Variants in ARHGEF19 observed in about 807,000 individuals in gnomAD.
The protein encoded by ARHGEF19 is Rho guanine nucleotide exchange factor (GEF) 19.
Under a neutral mutation model 87.6 loss-of-function variants are expected in ARHGEF19, and 92 were observed. The ratio of observed to expected loss-of-function variants is 1.05; its 90% CI spans 0.89 to 1.25. The LOEUF (loss-of-function observed/expected upper bound fraction) is 1.25, where lower values mean the gene tolerates loss of function less well. ARHGEF19 is among the 50% of genes most tolerant of loss of function. ARHGEF19 has a pLI of 0.00. For synonymous variants in ARHGEF19, 438 were observed against 446.2 expected (o/e 0.98, Z 0.23); for missense variants, 1,054 against 1,051.8 (o/e 1.00, Z -0.03).
intron 14 of ARHGEF19, 83 bp from the exon 15 acceptor site, chr1:16,199,337 G>T: frequency 8.5e-7 from 1 of 1,173,692 alleles, no homozygotes; most frequent in South Asian, 1.2e-5. Context: ...AGGGGCAGTA[G>T]GAGGAAGTAA....
At position 16,198,741 on chromosome 1, in the gene ARHGEF19, C is replaced by T; in HGVS notation, c.2255G>A (p.Trp752Ter). Reference protein sequence around the residue: ...LSVRTWTSDGWLEGVRLADGE... With the variant: ...LSVRTWTSDG ...ATCTGCCAGGCGGACCCCTTCCAGC[C>T]AGCCTAGGGACACATAGGCCAAGAA... is the stretch of plus-strand genomic sequence containing the variant. The change falls in exon 16 of 16, where the codon TGG (tryptophan) becomes TAG (stop). Residue 752 changes from tryptophan (W) to a stop codon, truncating the protein, a stop_gained. Coordinates refer to ENST00000270747, the MANE Select transcript of ARHGEF19 (RefSeq NM_153213.5). LOFTEE classifies it high-confidence loss of function. The surrounding 1 kb of genome is among the most constrained non-coding windows in gnomAD (Gnocchi z 4.1). 1.2e-6 allele frequency: 2 copies of T among 1,603,168 alleles called. No homozygotes were observed. The highest frequency in any genetic ancestry group is 1.7e-6 in the Non-Finnish European group (2 of 1,173,788).
intron 14 of ARHGEF19, 28 bp downstream of exon 14, chr1:16,201,754 G>T: frequency 1.9e-6 from 3 of 1,609,920 alleles, no homozygotes; most frequent in Non-Finnish European, 2.5e-6. Flanking sequence ...CCAGCCCAGG[G>T]ATGTAAGCAG....
chr1:16,200,697 T>C (rs144468725), intron 14 of ARHGEF19, among the ~76,000 whole-genome samples: 98 of 152,168 alleles, frequency 6.4e-4, no homozygotes, highest in African/African-American at 2.3e-3. Context: ...TGAGCCAAGA[T>C]TGTGCCATTG....
chr1:16,209,016 C>T lies in ARHGEF19; in HGVS notation c.39G>A (p.Leu13=), dbSNP rs753757558. The T allele has an allele frequency of 2.0e-6, 3 of 1,504,646 alleles. No homozygotes were observed. The highest frequency in any genetic ancestry group is 2.7e-6 in the Non-Finnish European group (3 of 1,128,126). 93.2% of individuals were successfully genotyped at this position (1,504,646 alleles called of 1,614,324 possible). ...CGPPATLQPH[L]TGPPGTAHHP... The stretch of plus-strand genomic sequence containing the variant: ...GGTGGGCAGTGCCAGGTGGCCCAGT[C>T]AGGTGGGGCTGGAGGGTAGCAGGTG... Residue 13 remains leucine, a synonymous_variant, in exon 2 of 16, where the codon CTG becomes CTA. Coordinates refer to ENST00000270747, the MANE Select transcript of ARHGEF19 (RefSeq NM_153213.5).
chr1:16,208,309 T>C lies in ARHGEF19; in HGVS notation c.413-84A>G, dbSNP rs2081165396. On this transcript the variant is annotated intron_variant, in intron 2 of 15. Coordinates refer to ENST00000270747, the MANE Select transcript of ARHGEF19 (RefSeq NM_153213.5). ...GCTGCTGCCCCTGGCCCTGAGCACCTGGGGAGGTTCAGGCACCATGCCCAA... is the reference window on the plus strand; with the variant it reads ...GCTGCTGCCCCTGGCCCTGAGCACCCGGGGAGGTTCAGGCACCATGCCCAA... 2.0e-6 allele frequency: 3 copies of C among 1,474,130 alleles called. No homozygotes were observed. The East Asian group carries it at 7.3e-5, about 36-fold the overall frequency. 91.3% of individuals were successfully genotyped at this position (1,474,130 alleles called of 1,614,324 possible).
In ARHGEF19 at chr1:16,205,401, C is replaced by T. The variant is rs575397508; in HGVS notation, c.1606G>A (p.Gly536Ser). 2 of 1,612,170 alleles carry T rather than the reference C, an allele frequency of 1.2e-6. No individual in the cohort carries two copies. The highest frequency in any genetic ancestry group is 1.7e-6 in the Non-Finnish European group (2 of 1,179,020). ...GTGGCCATGTCTTCGTCTTCAGAGC[C>T]CTGTGCTGTCCGCTTCAGGATGTTC... Reference protein sequence around the residue: ...VENILKRTAQGSEDEDMATKA... With the variant: ...VENILKRTAQSSEDEDMATKA... Residue 536 changes from glycine (G) to serine (S), a missense_variant, in exon 10 of 16, where the codon GGC becomes AGC. Coordinates refer to ENST00000270747, the MANE Select transcript of ARHGEF19 (RefSeq NM_153213.5). The surrounding 1 kb of genome is among the most constrained non-coding windows in gnomAD (Gnocchi z 5.8).
rs572041237 is a variant in ARHGEF19 at position 16,206,989 on chromosome 1, C to T, written c.1096G>A (p.Val366Ile). ...QDIPDVRGSGVLATLSLRDCK... is the reference protein window; with the variant it reads ...QDIPDVRGSGILATLSLRDCK... ...TCCCGCAGGCTCAGCGTGGCCAGGACGCCGCTGCCGCGTACGTCGGGGATA... is the reference window on the plus strand; with the variant it reads ...TCCCGCAGGCTCAGCGTGGCCAGGATGCCGCTGCCGCGTACGTCGGGGATA... Residue 366 changes from valine (V) to isoleucine (I), a missense_variant, in exon 6 of 16, where the codon GTC (valine) becomes ATC (isoleucine). Coordinates refer to ENST00000270747, the MANE Select transcript of ARHGEF19 (RefSeq NM_153213.5). This position sits in a 1 kb window ranked among gnomAD's most constrained non-coding sequence, Gnocchi z 4.6. 17 of 1,514,536 alleles carry T rather than the reference C, an allele frequency of 1.1e-5. No homozygotes were observed. The South Asian group carries it at 1.5e-4, about 13-fold the overall frequency. The allele number at this position is 1,514,536 out of a possible 1,614,324, so 93.8% of individuals were successfully genotyped here.
intron 12 of ARHGEF19, among the ~76,000 whole-genome samples, chr1:16,204,011 C>A (rs549131392): frequency 3.3e-5 from 5 of 152,164 alleles, no homozygotes; most frequent in Admixed American, 3.3e-4. Context: ...GGAATGAATT[C>A]TTCTTATAGC....
intron 1 of ARHGEF19, among the ~76,000 whole-genome samples, chr1:16,209,574 T>C (rs949500703): frequency 1.3e-5 from 2 of 152,222 alleles, no homozygotes; most frequent in Non-Finnish European, 2.9e-5. Context: ...TACACTTTCA[T>C]AGATACAGAC....
chr1:16,199,399 C>T (rs1397063824), intron 14 of ARHGEF19, 145 bp from the exon 15 acceptor site: 1 of 674,216 alleles, frequency 1.5e-6, no homozygotes, highest in Non-Finnish European at 2.6e-6. Flanking sequence ...ACTGCCATGC[C>T]ACAGGCCCAC....
At chr1:16,211,850 C>T (rs59792697) in intron 1 of ARHGEF19, among the ~76,000 whole-genome samples, 16,671 of 152,204 alleles carry the variant, frequency 0.11, 1,024 homozygotes, top group African/African-American at 0.13. Context: ...TCCCAAGGCA[C>T]GATCACAGGA....
chr1:16,209,209 C>T (rs2081175705), intron 1 of ARHGEF19, 126 bp from the exon 2 acceptor site: 2 of 576,182 alleles, frequency 3.5e-6, no homozygotes, highest in African/African-American at 1.9e-5. Context: ...AACACACTCA[C>T]ATGTCTAATT....
In ARHGEF19 at chr1:16,206,000, G is replaced by A. The variant is rs749228844; in HGVS notation, c.1382C>T (p.Ala461Val). 2.2e-5 allele frequency: 36 copies of A among 1,608,860 alleles called. No homozygotes were observed. The highest frequency in any genetic ancestry group is 3.3e-4 in the Middle Eastern group (2 of 6,034). ...ATAGGGCAGGTAGACTCTGCGGAAG[G>A]CCGGGCAGTGGTCCAGCACCACGTC... ...VCDVVLDHCP[A>V]FRRVYLPYVT... is the part of the protein sequence containing the mutation. The change falls in exon 8 of 16, where the codon GCC (alanine) becomes GTC (valine). Residue 461 changes from alanine (A) to valine (V), a missense_variant. By Grantham distance (64) the Ala-to-Val change is moderately conservative (BLOSUM62 0). Transcript: ENST00000270747. This position sits in a 1 kb window ranked among gnomAD's most constrained non-coding sequence, Gnocchi z 5.8.
intron 1 of ARHGEF19, among the ~76,000 whole-genome samples, 182 bp downstream of exon 1, chr1:16,212,320 T>A (rs1407356116): frequency 6.6e-6 from 1 of 152,078 alleles, no homozygotes; most frequent in African/African-American, 2.4e-5. Flanking sequence ...CTTTAAGGAA[T>A]AAAGCCAGGT....
At position 16,206,942 on chromosome 1, in the gene ARHGEF19, G is replaced by C; in HGVS notation, c.1137+6C>G. 6.9e-7 allele frequency: 1 copy of C among 1,449,182 alleles called. No homozygotes were observed. The allele number at this position is 1,449,182 out of a possible 1,614,324, so 89.8% of individuals were successfully genotyped here. ...CCCGCCCCGCCGGGTCCCCGCGCGCGCCCACCTCCTGCAGCTTGCAGTCCC... is the reference window on the plus strand; with the variant it reads ...CCCGCCCCGCCGGGTCCCCGCGCGCCCCCACCTCCTGCAGCTTGCAGTCCC... On this transcript the variant is annotated splice_donor_region_variant and intron_variant, in intron 6 of 15. Coordinates refer to ENST00000270747, the MANE Select transcript of ARHGEF19 (RefSeq NM_153213.5). This position sits in a 1 kb window ranked among gnomAD's most constrained non-coding sequence, Gnocchi z 4.6.
In ARHGEF19 at chr1:16,207,609, G is replaced by A; in HGVS notation, c.798-11C>T. ...TCCTGTGTGTCTAGCCTAGGAAAGA[G>A]AGAGCGTCACGGCCCTAGTTCGCCT... is the stretch of plus-strand genomic sequence containing the variant. On this transcript the variant is annotated splice_polypyrimidine_tract_variant and intron_variant, in intron 4 of 15. Transcript: ENST00000270747. This position sits in a 1 kb window ranked among gnomAD's most constrained non-coding sequence, Gnocchi z 4.0. 6.2e-7 allele frequency: 1 copy of A among 1,614,026 alleles called. No homozygotes were observed. Among genetic ancestry groups the A allele is most frequent in the Non-Finnish European group, 8.5e-7 (1 of 1,180,018 alleles).
chr1:16,201,792 A>G lies in ARHGEF19; in HGVS notation c.2136T>C (p.Ser712=). 6.2e-7 allele frequency: 1 copy of G among 1,613,492 alleles called. No individual in the cohort carries two copies. Among genetic ancestry groups the G allele is most frequent in the Non-Finnish European group, 8.5e-7 (1 of 1,179,680 alleles). ...SSPQEDKEVI[S]EGEDCPQVQC... ...GGGATGAGCTACTACCTTCCCCCTC[A>G]CTGATGACCTCCTTGTCCTCCTGGG... The change falls in exon 14 of 16, where the codon AGT becomes AGC. Residue 712 remains serine (S), a synonymous_variant. Coordinates refer to ENST00000270747, the MANE Select transcript of ARHGEF19 (RefSeq NM_153213.5).
chr1:16,210,353 C>T (rs2081188008), intron 1 of ARHGEF19, among the ~76,000 whole-genome samples: 1 of 152,188 alleles, frequency 6.6e-6, no homozygotes, highest in South Asian at 2.1e-4. Flanking sequence ...GGCCGGGCAG[C>T]CAGGACCCCC....
Position 16,199,144 on chromosome 1 carries a change from C to T in ARHGEF19, c.2251+6G>A. 1.2e-6 allele frequency: 2 copies of T among 1,613,952 alleles called. No homozygotes were observed. Among genetic ancestry groups the T allele is most frequent in the Admixed American group, 1.7e-5 (1 of 60,000 alleles). On this transcript the variant is annotated splice_donor_region_variant and intron_variant, in intron 15 of 15. Coordinates refer to ENST00000270747, the MANE Select transcript of ARHGEF19 (RefSeq NM_153213.5). ...TCAGGGACACTTTCCCAGGAGGCCC[C>T]CTCACCGTCACTGGTCCAGGTCCTC...
Sources: allele counts gnomAD v4.1 joint callset (sites outside exome capture counted in the v4.1 genomes callset), GRCh38; gene constraint gnomAD v4.1.1; non-coding constraint Gnocchi (gnomAD v3.1); transcripts MANE v1.5; gene names NCBI Gene and HGNC (gene_info 2026-07-23, HGNC 2026-07-21).